The following MSI2 variants were observed in gnomAD, a reference collection of about 807,000 sequenced individuals.
MSI2 encodes RNA-binding protein Musashi homolog 2.
MSI2 carries 17 observed loss-of-function variants against 45.6 expected under a neutral mutation model. The observed-to-expected ratio is 0.37, with a 90% CI of 0.26 to 0.56. The LOEUF (loss-of-function observed/expected upper bound fraction) is 0.56. Among genes scored for constraint, MSI2 ranks in the 20% least tolerant of loss-of-function variants. The pLI is 0.77. For missense variants in MSI2, 293 were observed against 444.2 expected, an observed-to-expected ratio of 0.66 and a Z score of 3.06; for synonymous variants, 156 against 158.2, an observed-to-expected ratio of 0.99 and a Z score of 0.11.
chr17:57,440,860 C>T (rs1456161979), intron 6 of MSI2: 3 of 152,064 alleles, frequency 2.0e-5, no homozygotes, highest in Non-Finnish European at 2.9e-5. Context: ...GCCACAGAAA[C>T]GTTTGAGGGA....
intron 11 of MSI2, among the ~76,000 whole-genome samples, chr17:57,657,281 A>G (rs976921974): frequency 6.6e-6 from 1 of 152,182 alleles, no homozygotes; most frequent in Non-Finnish European, 1.5e-5. Flanking sequence ...CCAGGAAGAT[A>G]AATCTGGAAG....
intron 5 of MSI2, among the ~76,000 whole-genome samples, chr17:57,372,914 T>G (rs546112096): frequency 6.6e-6 from 1 of 152,174 alleles, no homozygotes; most frequent in South Asian, 2.1e-4. Context: ...ACTGCAAAAA[T>G]AAATTCAGAA....
chr17:57,699,144 G>C, the MSI2 span, among the ~76,000 whole-genome samples: 9 of 23,480 alleles, frequency 3.8e-4, no homozygotes, highest in South Asian at 1.2e-3. Flanking sequence ...TGAGGAAGAG[G>C]CGAGGAGAGA....
chr17:57,697,999 G>T, the MSI2 span, among the ~76,000 whole-genome samples: 1 of 152,018 alleles, frequency 6.6e-6, no homozygotes, highest in South Asian at 2.1e-4. Flanking sequence ...CACACTCACG[G>T]CTGTCACACT....
intron 11 of MSI2, among the ~76,000 whole-genome samples, chr17:57,666,260 C>G (rs992727020): frequency 1.3e-5 from 2 of 152,244 alleles, no homozygotes; most frequent in African/African-American, 4.8e-5. Flanking sequence ...GTCTGAGACA[C>G]TGTGTGGCAT....
chr17:57,477,146 G>GTA (rs1491505133), intron 6 of MSI2, among the ~76,000 whole-genome samples: 4 of 1,780 alleles, frequency 2.2e-3, no homozygotes, highest in Non-Finnish European at 4.0e-3. Context: ...ATAAGGCCTG[G>GTA]TGTGTGTGTG....
chr17:57,685,196 G>A (rs1913845947), downstream of MSI2, among the ~76,000 whole-genome samples: 1 of 152,176 alleles, frequency 6.6e-6, no homozygotes, highest in Admixed American at 6.5e-5. Context: ...AAGATGTAGA[G>A]ATAGATCATC....
At chr17:57,258,007 G>T (rs1906971364) in intron 3 of MSI2, among the ~76,000 whole-genome samples, 1 of 152,064 alleles carries the variant, frequency 6.6e-6, no homozygotes, top group South Asian at 2.1e-4. Flanking sequence ...AGGAAACTGA[G>T]GTGGCCAAAG....
intron 7 of MSI2, among the ~76,000 whole-genome samples, chr17:57,554,094 C>A (rs1268852705): frequency 6.6e-6 from 1 of 152,050 alleles, no homozygotes; most frequent in Admixed American, 6.5e-5. Flanking sequence ...CTTCCTGCTC[C>A]TCATGGGATC....
At chr17:57,599,880 A>T (rs1376784605) in intron 8 of MSI2, among the ~76,000 whole-genome samples, 1 of 152,184 alleles carries the variant, frequency 6.6e-6, no homozygotes, top group Non-Finnish European at 1.5e-5. Context: ...ACCAGGAGCA[A>T]AGGGCTTACT....
chr17:57,686,309 GAAAAAATA>G (rs1054630740), downstream of MSI2, among the ~76,000 whole-genome samples: 1 of 151,374 alleles, frequency 6.6e-6, no homozygotes, highest in Non-Finnish European at 1.5e-5. Flanking sequence ...GTTTCATGGA[GAAAAAATA>G]AAAAAATAAA....
At chr17:57,506,608 C>T (rs985640665) in intron 6 of MSI2, among the ~76,000 whole-genome samples, 2 of 152,092 alleles carry the variant, frequency 1.3e-5, no homozygotes, top group Non-Finnish European at 2.9e-5. Flanking sequence ...CCTGGCCTTC[C>T]GAGGGAGTAG....
chr17:57,556,379 A>G (rs1048562868), intron 7 of MSI2, among the ~76,000 whole-genome samples: 1 of 152,338 alleles, frequency 6.6e-6, no homozygotes, highest in South Asian at 2.1e-4. Flanking sequence ...GGAAGTTGTA[A>G]TGTAATGTTA....
At chr17:57,670,831 G>C (rs1048562146) in intron 11 of MSI2, among the ~76,000 whole-genome samples, 1 of 152,166 alleles carries the variant, frequency 6.6e-6, no homozygotes. Context: ...CAGAAATAGG[G>C]TGTATTTGTT....
At chr17:57,382,330 A>T (rs1329023912) in intron 5 of MSI2, among the ~76,000 whole-genome samples, 1 of 152,136 alleles carries the variant, frequency 6.6e-6, no homozygotes, top group Non-Finnish European at 1.5e-5. Context: ...AGGTCTAGGG[A>T]GTGCTGAGGT....
At chr17:57,591,180 A>T (rs1040090252) in intron 7 of MSI2, among the ~76,000 whole-genome samples, 45 of 152,056 alleles carry the variant, frequency 3.0e-4, no homozygotes, top group Non-Finnish European at 5.1e-4. Context: ...CCTGGCTGCT[A>T]CACCTCAGTT....
At chr17:57,451,164 G>A (rs1185485084) in intron 6 of MSI2, among the ~76,000 whole-genome samples, 15 of 152,268 alleles carry the variant, frequency 9.9e-5, no homozygotes, top group African/African-American at 1.7e-4. Context: ...TGAGCTTCCC[G>A]TGCCTTTAGC....
chr17:57,688,618 C>G (rs1417736253), downstream of MSI2, among the ~76,000 whole-genome samples: 1 of 151,958 alleles, frequency 6.6e-6, no homozygotes, highest in Admixed American at 6.6e-5. Flanking sequence ...TTGAAAAATA[C>G]ATATATATGT....
intron 8 of MSI2, among the ~76,000 whole-genome samples, chr17:57,614,462 C>T (rs1907481410): frequency 6.6e-6 from 1 of 152,248 alleles, no homozygotes; most frequent in Non-Finnish European, 1.5e-5. Context: ...GATACCTCAG[C>T]AGCTGTTGAA....
Sources: allele counts gnomAD v4.1 joint callset (sites outside exome capture counted in the v4.1 genomes callset), GRCh38; gene constraint gnomAD v4.1.1; transcripts MANE v1.5; gene names NCBI Gene and HGNC (gene_info 2026-07-23, HGNC 2026-07-21).